Variants in LRRC37A2 observed in about 807,000 individuals in gnomAD.
The protein encoded by LRRC37A2 is leucine-rich repeat-containing protein 37A2.
In LRRC37A2, 9 loss-of-function variants were observed where a neutral mutation model predicts 68.8. The ratio of observed to expected loss-of-function variants is 0.13; its 90% confidence interval spans 0.08 to 0.23. The LOEUF (loss-of-function observed/expected upper bound fraction) is 0.23. Among genes scored for constraint, LRRC37A2 ranks in the 10% least tolerant of loss-of-function variants. The probability of loss-of-function intolerance (pLI) is 1.00; values close to 1 mark genes in which losing one functional copy is unlikely to be tolerated. For missense variants in LRRC37A2, 168 were observed against 950.4 expected (o/e 0.18, Z 10.82); for synonymous variants, 63 against 367.6 (o/e 0.17, Z 9.48).
At chr17:46,872,783 A>AG in the LRRC37A2 span, 6 of 1,283,596 alleles carry the variant, frequency 4.7e-6, no homozygotes, top group Non-Finnish European at 6.4e-6. Context: ...GGTGGGGAGG[A>AG]GGGCTAGGGG....
chr17:47,014,578 C>T, the LRRC37A2 span, among the ~76,000 whole-genome samples: 1 of 151,544 alleles, frequency 6.6e-6, no homozygotes, highest in Non-Finnish European at 1.5e-5. Flanking sequence ...AGTCTTGACC[C>T]TTGGCTCTGA....
At chr17:46,948,856 G>A in the LRRC37A2 span, 1 of 152,256 alleles carries the variant, frequency 6.6e-6, no homozygotes, top group Non-Finnish European at 1.5e-5. Flanking sequence ...ACCATGGTGG[G>A]AAGATGTAGG....
the LRRC37A2 span, among the ~76,000 whole-genome samples, chr17:46,922,396 T>TG: frequency 1.3e-5 from 2 of 152,110 alleles, no homozygotes; most frequent in Non-Finnish European, 2.9e-5. Context: ...GACGAGTTAA[T>TG]GGGTGCAGCA....
the LRRC37A2 span, among the ~76,000 whole-genome samples, chr17:46,746,405 T>C: frequency 9.2e-5 from 14 of 152,310 alleles, no homozygotes; most frequent in African/African-American, 2.9e-4. Context: ...ATGAGTAACA[T>C]TGAGAAAGGC....
the LRRC37A2 span, among the ~76,000 whole-genome samples, chr17:46,747,323 C>T: frequency 5.9e-5 from 9 of 152,154 alleles, no homozygotes; most frequent in Admixed American, 5.9e-4. Context: ...CTTTGTCACC[C>T]AGGCAGGAGT....
the LRRC37A2 span, among the ~76,000 whole-genome samples, chr17:46,823,369 C>T: frequency 6.6e-6 from 1 of 150,758 alleles, no homozygotes; most frequent in Non-Finnish European, 1.5e-5. Context: ...TGCCCGCCAC[C>T]ACGCCTGACT....
chr17:46,943,876 G>A, the LRRC37A2 span, among the ~76,000 whole-genome samples: 1 of 152,218 alleles, frequency 6.6e-6, no homozygotes, highest in East Asian at 1.9e-4. Context: ...GGGTTTTAAA[G>A]CTGAAAGTCC....
the LRRC37A2 span, among the ~76,000 whole-genome samples, chr17:46,787,481 T>A: frequency 6.6e-6 from 1 of 152,174 alleles, no homozygotes; most frequent in Non-Finnish European, 1.5e-5. Context: ...GCGATGTGCC[T>A]TCCCTGCTGT....
At chr17:46,724,869 G>A in the LRRC37A2 span, among the ~76,000 whole-genome samples, 2 of 151,968 alleles carry the variant, frequency 1.3e-5, no homozygotes, top group Admixed American at 6.6e-5. Flanking sequence ...GGCTTCCTCT[G>A]TCATGGTTTC....
the LRRC37A2 span, among the ~76,000 whole-genome samples, chr17:46,887,638 C>A: frequency 6.6e-6 from 1 of 152,210 alleles, no homozygotes; most frequent in South Asian, 2.1e-4. Flanking sequence ...GTGGCATATG[C>A]CTGTAACACC....
chr17:46,959,117 G>T, the LRRC37A2 span, among the ~76,000 whole-genome samples: 2 of 152,216 alleles, frequency 1.3e-5, no homozygotes, highest in Non-Finnish European at 2.9e-5. Context: ...TGGGAATCTA[G>T]AATGTGGCTA....
chr17:46,721,921 T>C, the LRRC37A2 span: 68 of 1,593,286 alleles, frequency 4.3e-5, no homozygotes, highest in Non-Finnish European at 5.5e-5. Flanking sequence ...TTTTCTCCAA[T>C]TCGCGTACTA....
chr17:46,501,239 G>A, the LRRC37A2 span, among the ~76,000 whole-genome samples: 3 of 151,012 alleles, frequency 2.0e-5, no homozygotes, highest in Non-Finnish European at 1.5e-5. Context: ...GCAGTGGTGC[G>A]ATCTTGGCTC....
the LRRC37A2 span, among the ~76,000 whole-genome samples, chr17:46,779,055 A>ACACACACACGCGCG: frequency 2.6e-5 from 2 of 76,660 alleles, no homozygotes; most frequent in African/African-American, 7.8e-5. Context: ...CTACCCCATC[A>ACACACACACGCGCG]CACACACACA....
chr17:46,895,339 C>T, the LRRC37A2 span, among the ~76,000 whole-genome samples: 3 of 152,248 alleles, frequency 2.0e-5, no homozygotes, highest in Non-Finnish European at 4.4e-5. Flanking sequence ...CAGCCCAAGG[C>T]TTAACCATGC....
At chr17:46,793,229 G>A in the LRRC37A2 span, among the ~76,000 whole-genome samples, 9 of 130,476 alleles carry the variant, frequency 6.9e-5, no homozygotes, top group African/African-American at 1.1e-4. Flanking sequence ...AGCCAAGATC[G>A]AGCCATTTTA....
the LRRC37A2 span, among the ~76,000 whole-genome samples, chr17:46,657,367 G>A: frequency 6.6e-6 from 1 of 152,038 alleles, no homozygotes; most frequent in African/African-American, 2.4e-5. Context: ...AAAATATAAT[G>A]GTTTCATGAG....
At chr17:46,940,279 T>C in the LRRC37A2 span, 691,791 of 1,432,472 alleles carry the variant, frequency 0.48, 168,298 homozygotes, top group East Asian at 0.53. Context: ...CCATTGTTCC[T>C]ACCCCTCCGG....
At chr17:46,923,394 C>T in the LRRC37A2 span, 1 of 1,459,126 alleles carries the variant, frequency 6.9e-7, no homozygotes, top group Non-Finnish European at 9.0e-7. Flanking sequence ...CCAGGTCAGC[C>T]ACAGACAGTG....
Sources: gnomAD v4.1 joint callset for allele counts (sites outside exome capture counted in the v4.1 genomes callset) on GRCh38, gnomAD v4.1.1 for gene constraint, MANE v1.5 for transcripts, NCBI Gene and HGNC (gene_info 2026-07-23, HGNC 2026-07-21) for gene names.